Variants in BCKDK observed in about 807,000 individuals in gnomAD.
BCKDK encodes branched chain keto acid dehydrogenase kinase.
BCKDK carries 28 observed loss-of-function variants against 43.9 expected under a neutral mutation model. The ratio of observed to expected loss-of-function variants is 0.64; its 90% CI spans 0.47 to 0.87. The LOEUF (loss-of-function observed/expected upper bound fraction) is 0.87, where lower values mean the gene tolerates loss of function less well. Among genes scored for constraint, BCKDK ranks in the 40% least tolerant of loss-of-function variants. BCKDK has a pLI of 0.00. For missense variants in BCKDK, 483 were observed against 581.4 expected (o/e 0.83, Z 1.74); for synonymous variants, 257 against 234.3 (o/e 1.10, Z -0.88).
Position 31,109,257 on chromosome 16 carries a change from G to T in BCKDK, c.34G>T (p.Gly12Trp), listed in dbSNP as rs1414828775. The change falls in exon 2 of 12, where the codon GGG becomes TGG. Residue 12 changes from glycine to tryptophan, a missense_variant. Physicochemically the swap from Gly to Trp is radical, Grantham distance 184. Coordinates refer to ENST00000219794, the MANE Select transcript of BCKDK (RefSeq NM_005881.4). This position sits in a 1 kb window ranked among gnomAD's most constrained non-coding sequence, Gnocchi z 5.3. ...ILASVLRSGP[G>W]GGLPLRPLLG... is the part of the protein sequence containing the mutation. ...GGCGTCGGTGCTGAGGAGCGGTCCC[G>T]GGGGCGGGCTTCCGCTCCGGCCCCT... is the stretch of plus-strand genomic sequence containing the variant. The T allele has an allele frequency of 1.9e-6, 3 of 1,550,638 alleles. No homozygotes were observed.
Position 31,109,742 on chromosome 16 carries a change from C to T in BCKDK, c.334C>T (p.Leu112Phe). ...IAHRIKGFRC[L>F]PFIIGCNPTI... ...TCACCGCATCAAGGGCTTCCGCTGC[C>T]TTCCTTTCATCATTGGCTGCAACCC... is the stretch of plus-strand genomic sequence containing the variant. The change falls in exon 4 of 12, where the codon CTT (leucine) becomes TTT (phenylalanine). Residue 112 changes from leucine (L) to phenylalanine (F), a missense_variant. By Grantham distance (22) the Leu-to-Phe change is conservative. Coordinates refer to ENST00000219794, the MANE Select transcript of BCKDK (RefSeq NM_005881.4). The surrounding 1 kb of genome is among the most constrained non-coding windows in gnomAD (Gnocchi z 5.3). 1 of 1,613,956 alleles carries T rather than the reference C, an allele frequency of 6.2e-7. No individual in the cohort carries two copies. The highest frequency in any genetic ancestry group is 8.5e-7 in the Non-Finnish European group (1 of 1,180,012).
At chr16:31,116,088 A>AT (rs963878749), downstream of BCKDK, among the ~76,000 whole-genome samples, 15 of 132,958 alleles carry the variant, frequency 1.1e-4, no homozygotes, top group Admixed American at 3.8e-4. Context: ...ATTGTTTTGT[A>AT]TTTTTTTTTA....
downstream of BCKDK, among the ~76,000 whole-genome samples, chr16:31,117,151 C>T (rs1315504399): frequency 6.6e-6 from 1 of 151,976 alleles, no homozygotes; most frequent in Non-Finnish European, 1.5e-5. Context: ...GCTGGCAGAT[C>T]ACGAGGTCAA....
In BCKDK at chr16:31,110,930, AG is replaced by A. The variant is rs2143942587; in HGVS notation, c.717-159del. On this transcript the variant is annotated intron_variant, in intron 8 of 11. Transcript: ENST00000219794. The surrounding 1 kb of genome is among the most constrained non-coding windows in gnomAD (Gnocchi z 5.4). ...TCACAGGGGCTGCCCCGTGCACGTT[AG>A]GAAGTTCAGCAGCATCCCTGGCGCC... 1 of 1,346,290 alleles carries A rather than the reference AG, an allele frequency of 7.4e-7. No homozygotes were observed. Among genetic ancestry groups the A allele is most frequent in the East Asian group, 2.4e-5 (1 of 42,350 alleles). The allele number at this position is 1,346,290 out of a possible 1,614,324, so 83.4% of individuals were successfully genotyped here.
Position 31,110,545 on chromosome 16 carries a change from C to T in BCKDK, c.642+46C>T, listed in dbSNP as rs1349986943. ...ACCCACCTGGGAACATTAAGTGAGA[C>T]AGAGGAGACTGGGCTGGGGATCCGG... On this transcript the variant is annotated intron_variant, in intron 7 of 11. Transcript: ENST00000219794. This position sits in a 1 kb window ranked among gnomAD's most constrained non-coding sequence, Gnocchi z 5.4. The T allele has an allele frequency of 5.0e-6, 8 of 1,604,896 alleles. No individual in the cohort carries two copies. The highest frequency in any genetic ancestry group is 1.3e-5 in the African/African-American group (1 of 74,706).
Position 31,109,256 on chromosome 16 carries a change from C to CTCA in BCKDK, c.33_34insTCA (p.Pro11_Gly12insSer). On this transcript the variant is annotated inframe_insertion, in exon 2 of 12. Coordinates refer to ENST00000219794, the MANE Select transcript of BCKDK (RefSeq NM_005881.4). The surrounding 1 kb of genome is among the most constrained non-coding windows in gnomAD (Gnocchi z 5.3). ...TGGCGTCGGTGCTGAGGAGCGGTCC[C>CTCA]GGGGGCGGGCTTCCGCTCCGGCCCC... 1 of 1,549,346 alleles carries CTCA rather than the reference C, an allele frequency of 6.5e-7. No individual in the cohort carries two copies. The highest frequency in any genetic ancestry group is 1.2e-5 in the South Asian group (1 of 83,196).
At chr16:31,117,463 G>C (rs975638941), downstream of BCKDK, 6 of 401,054 alleles carry the variant, frequency 1.5e-5, no homozygotes, top group Non-Finnish European at 2.2e-5. Context: ...TCACCCATAG[G>C]CTGCAGCCAC....
At chr16:31,117,520 C>T, downstream of BCKDK, 1 of 513,768 alleles carries the variant, frequency 1.9e-6, no homozygotes, top group Non-Finnish European at 3.2e-6. Context: ...GCACACTCAA[C>T]ATCCAACTCG....
chr16:31,114,210 G>GT (rs531898759), downstream of BCKDK, among the ~76,000 whole-genome samples: 6 of 151,774 alleles, frequency 4.0e-5, no homozygotes, highest in South Asian at 2.1e-4. Flanking sequence ...GTTTCGTTTT[G>GT]TTTTTTTAAA....
In BCKDK at chr16:31,109,682, C is replaced by G. The variant is rs1335309805; in HGVS notation, c.274C>G (p.Arg92Gly). 1 of 1,614,024 alleles carries G rather than the reference C, an allele frequency of 6.2e-7. No homozygotes were observed. The highest frequency in any genetic ancestry group is 2.2e-5 in the East Asian group (1 of 44,886). ...TCTCATTTTCTCCCAGAAAAGTGCT[C>G]GGTACCTGCAGCAAGAACTTCCAGT... Reference protein sequence around the residue: ...QDGSHLLKSARYLQQELPVRI... With the variant: ...QDGSHLLKSAGYLQQELPVRI... Residue 92 changes from arginine (R) to glycine (G), a missense_variant, in exon 4 of 12, where the codon CGG (arginine) becomes GGG (glycine). By Grantham distance (125) the Arg-to-Gly change is moderately radical. Coordinates refer to ENST00000219794, the MANE Select transcript of BCKDK (RefSeq NM_005881.4). This position sits in a 1 kb window ranked among gnomAD's most constrained non-coding sequence, Gnocchi z 5.3.
In BCKDK at chr16:31,110,070, C is replaced by G. The variant is rs1419170488; in HGVS notation, c.376-7C>G. 6.2e-7 allele frequency: 1 copy of G among 1,614,204 alleles called. No homozygotes were observed. The highest frequency in any genetic ancestry group is 8.5e-7 in the Non-Finnish European group (1 of 1,180,038). On this transcript the variant is annotated splice_polypyrimidine_tract_variant and splice_region_variant and intron_variant, in intron 4 of 11. Coordinates refer to ENST00000219794, the MANE Select transcript of BCKDK (RefSeq NM_005881.4). The surrounding 1 kb of genome is among the most constrained non-coding windows in gnomAD (Gnocchi z 5.4). ...GCTTTGTGAATTCCCACACCTCTTC[C>G]TTGCAGCATGAGCTATATATCCGTG... is the stretch of plus-strand genomic sequence containing the variant.
At chr16:31,114,949 G>C (rs2057438083), downstream of BCKDK, among the ~76,000 whole-genome samples, 1 of 151,758 alleles carries the variant, frequency 6.6e-6, no homozygotes, top group African/African-American at 2.4e-5. Context: ...TTTTGAGATG[G>C]AGTCTTGTTG....
rs771021107 is a variant in BCKDK at position 31,110,458 on chromosome 16, C to G, written c.601C>G (p.Arg201Gly). Residue 201 changes from arginine to glycine, a missense_variant, in exon 7 of 12, where the codon CGC becomes GGC. Transcript: ENST00000219794. This position sits in a 1 kb window ranked among gnomAD's most constrained non-coding sequence, Gnocchi z 5.4. ...GACGCTGACTTCGAGGCTTGGAATC[C>G]GCATGTTGGCCACGCATCACCTGGC... is the stretch of plus-strand genomic sequence containing the variant. ...DKTLTSRLGI[R>G]MLATHHLALH... The G allele has an allele frequency of 1.9e-6, 3 of 1,613,866 alleles. No individual in the cohort carries two copies. The highest frequency in any genetic ancestry group is 1.7e-6 in the Non-Finnish European group (2 of 1,180,024).
Position 31,112,462 on chromosome 16 carries a change from G to C in BCKDK, c.*197G>C, listed in dbSNP as rs2057422203. ...ATTGCCTCCTCGCCTCCAGAACTTG[G>C]AGCAGGGAAGTGGGCACCCTGAGGC... On this transcript the variant is annotated 3_prime_UTR_variant, in exon 12 of 12. Transcript: ENST00000219794. The surrounding 1 kb of genome is among the most constrained non-coding windows in gnomAD (Gnocchi z 5.0). The C allele has an allele frequency of 1.6e-5, 14 of 893,072 alleles. No homozygotes were observed. In the East Asian group the frequency reaches 3.7e-4, roughly 24 times the overall value. 55.3% of individuals were successfully genotyped at this position (893,072 alleles called of 1,614,324 possible). A position where few individuals can be genotyped will look rare whatever the true frequency, so the allele number is the denominator to read the frequency against.
downstream of BCKDK, among the ~76,000 whole-genome samples, chr16:31,113,057 G>A (rs1290011016): frequency 2.0e-5 from 3 of 152,260 alleles, no homozygotes; most frequent in Non-Finnish European, 4.4e-5. Context: ...GTGGGGCCCT[G>A]ATAGAAAGGA....
At chr16:31,114,169 G>A (rs967215351), downstream of BCKDK, among the ~76,000 whole-genome samples, 2 of 152,064 alleles carry the variant, frequency 1.3e-5, no homozygotes, top group Non-Finnish European at 2.9e-5. Context: ...GGATCTGGGT[G>A]GAGCACCTAC....
In BCKDK at chr16:31,110,155, C is replaced by T. The variant is rs371401647; in HGVS notation, c.423+31C>T. 3.7e-6 allele frequency: 6 copies of T among 1,614,182 alleles called. No homozygotes were observed. The highest frequency in any genetic ancestry group is 5.1e-6 in the Non-Finnish European group (6 of 1,180,028). ...TGCTGGGCCAGAGCAGGGTGAGGGG[C>T]TGAGAGGTTGGGCTTGGACCACCCT... On this transcript the variant is annotated intron_variant, in intron 5 of 11. Transcript: ENST00000219794. This position sits in a 1 kb window ranked among gnomAD's most constrained non-coding sequence, Gnocchi z 5.4.
rs191779300 is a variant in BCKDK at position 31,110,833 on chromosome 16, G to A, written c.716+72G>A. ...AAGGCTTGGGTCTGAGCCCTTGCCC[G>A]GGGCATGATCTGCGGGGAGCAGGGT... On this transcript the variant is annotated intron_variant, in intron 8 of 11. Coordinates refer to ENST00000219794, the MANE Select transcript of BCKDK (RefSeq NM_005881.4). This position sits in a 1 kb window ranked among gnomAD's most constrained non-coding sequence, Gnocchi z 5.4. 1.4e-5 allele frequency: 21 copies of A among 1,533,706 alleles called. No homozygotes were observed. In the Admixed American group the frequency reaches 2.0e-4, roughly 15 times the overall value.
rs753863234 is a variant in BCKDK, at chr16:31,112,480, CCT to C, written c.*216_*217del. 4.2e-6 allele frequency: 3 copies of C among 714,270 alleles called. No homozygotes were observed. The South Asian group carries it at 4.9e-5, about 12-fold the overall frequency. The allele number at this position is 714,270 out of a possible 1,614,324, so 44.2% of individuals were successfully genotyped here. The stretch of plus-strand genomic sequence containing the variant: ...GAACTTGGAGCAGGGAAGTGGGCAC[CCT>C]GAGGCCTCCAGCACCAGTTCCGTCA... On this transcript the variant is annotated 3_prime_UTR_variant, in exon 12 of 12. Transcript: ENST00000219794. The surrounding 1 kb of genome is among the most constrained non-coding windows in gnomAD (Gnocchi z 5.0).
Sources: allele counts gnomAD v4.1 joint callset (sites outside exome capture counted in the v4.1 genomes callset), GRCh38; gene constraint gnomAD v4.1.1; non-coding constraint Gnocchi (gnomAD v3.1); transcripts MANE v1.5; gene names NCBI Gene and HGNC (gene_info 2026-07-23, HGNC 2026-07-21).